Variants in FRMD1 observed in about 807,000 individuals in gnomAD.
FRMD1 encodes the protein FERM domain-containing protein 1.
In FRMD1, 51 loss-of-function variants were observed where a neutral mutation model predicts 54.9. That is an observed-to-expected ratio of 0.93 (90% CI 0.74 to 1.17). FRMD1 has a LOEUF of 1.17. FRMD1 is among the 50% of genes most tolerant of loss of function. The pLI is 0.00. For missense variants in FRMD1, 729 were observed against 743.0 expected (o/e 0.98, Z 0.22); for synonymous variants, 324 against 306.4 (o/e 1.06, Z -0.60).
At chr6:168,079,252 C>T (rs1800759892), upstream of FRMD1, 2 of 1,367,334 alleles carry the variant, frequency 1.5e-6, no homozygotes, top group Non-Finnish European at 1.9e-6. Flanking sequence ...ATGGCCAAGC[C>T]AGGACAAGGG....
upstream of FRMD1, among the ~76,000 whole-genome samples, chr6:168,086,502 C>T (rs1800922949): frequency 6.7e-6 from 1 of 149,790 alleles, no homozygotes; most frequent in Non-Finnish European, 1.5e-5. Context: ...ACACCCACAT[C>T]CACAGCGTGG....
intron 4 of FRMD1, chr6:168,065,965 G>A (rs912627752): frequency 4.0e-6 from 4 of 1,000,138 alleles, no homozygotes; most frequent in Non-Finnish European, 4.8e-6. Flanking sequence ...TACCCTAGAA[G>A]CTCTAAGGCA....
At chr6:168,075,202 G>A (rs753358931) in intron 2 of FRMD1, 43 bp downstream of exon 2, 14 of 1,558,746 alleles carry the variant, frequency 9.0e-6, no homozygotes, top group African/African-American at 2.7e-5. Context: ...CAGCAGATGC[G>A]GCCCCTGGGC....
upstream of FRMD1, among the ~76,000 whole-genome samples, chr6:168,082,699 C>T (rs899430474): frequency 6.6e-6 from 1 of 152,190 alleles, no homozygotes; most frequent in African/African-American, 2.4e-5. Flanking sequence ...AATCTACTGA[C>T]CCCCTCTTCA....
chr6:168,091,080 C>T (rs534531633), intron 1 of FRMD1, among the ~76,000 whole-genome samples: 56 of 152,234 alleles, frequency 3.7e-4, no homozygotes, highest in Non-Finnish European at 6.9e-4. Flanking sequence ...ATGTGAACCG[C>T]GAAAATGATC....
At chr6:168,081,398 C>G (rs1413800665), upstream of FRMD1, 1 of 1,535,258 alleles carries the variant, frequency 6.5e-7, no homozygotes, top group African/African-American at 1.4e-5. Flanking sequence ...GGCTGGCCTG[C>G]CACGTTCGTG....
At chr6:168,081,507 A>G (rs1027405092), upstream of FRMD1, 4 of 1,530,888 alleles carry the variant, frequency 2.6e-6, no homozygotes, top group African/African-American at 5.5e-5. Context: ...CCTCGGCCCA[A>G]CTCTCTCTTC....
At chr6:168,060,492 T>C (rs1799663301) in intron 9 of FRMD1, among the ~76,000 whole-genome samples, 1 of 151,700 alleles carries the variant, frequency 6.6e-6, no homozygotes, top group Admixed American at 6.6e-5. Flanking sequence ...ACCTCTCCTG[T>C]CTCTGATCCC....
At chr6:168,062,114 C>A (rs1366985297) in intron 7 of FRMD1, 133 bp from the exon 8 acceptor site, 3 of 907,806 alleles carry the variant, frequency 3.3e-6, no homozygotes, top group Non-Finnish European at 5.0e-6. Context: ...GTGCAGATGG[C>A]TGTTGGCGGA....
intron 4 of FRMD1, 128 bp from the exon 5 acceptor site, chr6:168,065,185 C>G: frequency 7.0e-7 from 1 of 1,434,784 alleles, no homozygotes; most frequent in South Asian, 1.5e-5. Flanking sequence ...TAGTTCCTGT[C>G]TTGTTATACC....
intron 1 of FRMD1, 27 bp downstream of exon 1, chr6:168,078,855 C>G (rs775015348): frequency 2.0e-6 from 3 of 1,538,116 alleles, no homozygotes; most frequent in Non-Finnish European, 2.6e-6. Flanking sequence ...TCTGTTTACC[C>G]CCACGGCCAC....
chr6:168,090,102 C>T (rs1800990359), intron 1 of FRMD1, among the ~76,000 whole-genome samples: 1 of 152,142 alleles, frequency 6.6e-6, no homozygotes, highest in Non-Finnish European at 1.5e-5. Context: ...CCCACCCAGC[C>T]TCCATCTGAC....
intron 1 of FRMD1, among the ~76,000 whole-genome samples, chr6:168,088,041 A>G (rs923857263): frequency 2.6e-5 from 4 of 152,066 alleles, no homozygotes; most frequent in Non-Finnish European, 5.9e-5. Flanking sequence ...CCTGCCCCGA[A>G]AAGGCTCTCT....
intron 1 of FRMD1, chr6:168,075,600 G>T: frequency 1.3e-6 from 1 of 761,608 alleles, no homozygotes; most frequent in Non-Finnish European, 2.3e-6. Context: ...ATCCCTGTCT[G>T]TCTCTGGTGT....
At chr6:168,089,860 G>A (rs1290666491) in intron 1 of FRMD1, among the ~76,000 whole-genome samples, 1 of 152,218 alleles carries the variant, frequency 6.6e-6, no homozygotes, top group Non-Finnish European at 1.5e-5. Context: ...AGTGAGAACA[G>A]ACGCTCCCAT....
At chr6:168,075,962 C>G (rs968091344) in intron 1 of FRMD1, 2 of 943,554 alleles carry the variant, frequency 2.1e-6, no homozygotes, top group Non-Finnish European at 3.1e-6. Flanking sequence ...TCCGGTGTCC[C>G]GTGTCCGCAT....
At chr6:168,062,627 T>C (rs748267925) in intron 7 of FRMD1, 18 of 1,518,504 alleles carry the variant, frequency 1.2e-5, no homozygotes, top group Non-Finnish European at 1.6e-5. Flanking sequence ...TGAAGCTGCA[T>C]CTGCCCAGGC....
chr6:168,061,263 G>A, intron 8 of FRMD1, among the ~76,000 whole-genome samples: 1 of 152,098 alleles, frequency 6.6e-6, no homozygotes, highest in Non-Finnish European at 1.5e-5. Context: ...GACCAGGCCT[G>A]TGGTAAACGC....
intron 4 of FRMD1, 122 bp downstream of exon 4, chr6:168,066,629 GTTGT>G (rs764868333): frequency 3.3e-5 from 47 of 1,440,578 alleles, no homozygotes; most frequent in African/African-American, 1.4e-4. Context: ...ATATAGTGGG[GTTGT>G]TTGTTTGTTT....
Sources: allele counts gnomAD v4.1 joint callset (sites outside exome capture counted in the v4.1 genomes callset), GRCh38; gene constraint gnomAD v4.1.1; transcripts MANE v1.5; gene names NCBI Gene and HGNC (gene_info 2026-07-23, HGNC 2026-07-21).